Variants in AKAP19 observed in about 807,000 individuals in gnomAD.
The protein encoded by AKAP19 is A-kinase anchoring protein 19.
the AKAP19 span, among the ~76,000 whole-genome samples, chr2:190,158,169 T>G: frequency 6.6e-6 from 1 of 152,184 alleles, no homozygotes; most frequent in Non-Finnish European, 1.5e-5. Flanking sequence ...ATGTAAAATC[T>G]TTAGTGTTGT....
the AKAP19 span, chr2:190,200,593 A>G: frequency 5.5e-6 from 1 of 181,068 alleles, no homozygotes. Flanking sequence ...CACTCAAATC[A>G]TAGTGATTAA....
chr2:190,143,284 GAAAAAAA>G, the AKAP19 span, among the ~76,000 whole-genome samples: 530 of 118,912 alleles, frequency 4.5e-3, 3 homozygotes, highest in African/African-American at 0.015. Flanking sequence ...TATCCTGTAG[GAAAAAAA>G]AAAAAAAAAA....
the AKAP19 span, among the ~76,000 whole-genome samples, chr2:190,043,459 T>C: frequency 6.6e-6 from 1 of 152,188 alleles, no homozygotes; most frequent in Non-Finnish European, 1.5e-5. Context: ...TGTGAGAGTC[T>C]TCCTTCAGCT....
chr2:190,173,264 A>C, the AKAP19 span, among the ~76,000 whole-genome samples: 3 of 152,258 alleles, frequency 2.0e-5, no homozygotes, highest in Non-Finnish European at 4.4e-5. Flanking sequence ...GTTAAGTGAA[A>C]TATCACAAAC....
chr2:190,004,387 G>C, the AKAP19 span, among the ~76,000 whole-genome samples: 1 of 152,108 alleles, frequency 6.6e-6, no homozygotes, highest in South Asian at 2.1e-4. Flanking sequence ...CTCCCCTAGT[G>C]TTAACCTGAT....
the AKAP19 span, among the ~76,000 whole-genome samples, chr2:189,936,443 G>C: frequency 2.0e-5 from 3 of 152,030 alleles, no homozygotes; most frequent in African/African-American, 7.3e-5. Flanking sequence ...ATAGTTCTAG[G>C]GTAGGTTTTG....
chr2:189,990,493 G>T, the AKAP19 span, among the ~76,000 whole-genome samples: 2 of 152,024 alleles, frequency 1.3e-5, no homozygotes, highest in African/African-American at 2.4e-5. Context: ...TGGTCAGAGT[G>T]TATAGTCCTC....
chr2:189,930,732 G>C, the AKAP19 span: 1 of 636,894 alleles, frequency 1.6e-6, no homozygotes. Flanking sequence ...CCATCATACA[G>C]ATCACACACT....
At chr2:190,002,730 G>A in the AKAP19 span, among the ~76,000 whole-genome samples, 590 of 152,150 alleles carry the variant, frequency 3.9e-3, 1 homozygote, top group African/African-American at 0.013. Context: ...TGATTCTTAG[G>A]ACCGTCAGTT....
chr2:190,045,953 A>C, the AKAP19 span, among the ~76,000 whole-genome samples: 1 of 152,084 alleles, frequency 6.6e-6, no homozygotes. Context: ...GGTTCACAAG[A>C]TCTCCTGAGC....
the AKAP19 span, chr2:189,923,904 T>A: frequency 1.9e-6 from 3 of 1,610,854 alleles, no homozygotes; most frequent in South Asian, 3.3e-5. Flanking sequence ...CTGACCCAGA[T>A]AAAACAAAAA....
the AKAP19 span, among the ~76,000 whole-genome samples, chr2:190,136,836 C>A: frequency 2.0e-5 from 3 of 152,088 alleles, no homozygotes; most frequent in African/African-American, 7.2e-5. Flanking sequence ...AGGATAAGAA[C>A]CAAGATTTGG....
At chr2:189,946,230 C>T in the AKAP19 span, among the ~76,000 whole-genome samples, 2 of 152,060 alleles carry the variant, frequency 1.3e-5, no homozygotes, top group Non-Finnish European at 2.9e-5. Context: ...TAATATATAG[C>T]GTAAAATAGC....
the AKAP19 span, among the ~76,000 whole-genome samples, chr2:190,140,758 A>G: frequency 6.6e-6 from 1 of 152,088 alleles, no homozygotes; most frequent in Non-Finnish European, 1.5e-5. Context: ...GCCTGGAGAC[A>G]TTTTTCCTAT....
the AKAP19 span, chr2:190,057,117 A>G: frequency 1.2e-6 from 1 of 802,806 alleles, no homozygotes; most frequent in Non-Finnish European, 2.0e-6. Flanking sequence ...TCCCCCTTTT[A>G]GTTTACATAC....
chr2:190,199,038 G>A, the AKAP19 span, among the ~76,000 whole-genome samples: 3 of 152,284 alleles, frequency 2.0e-5, no homozygotes, highest in Middle Eastern at 3.4e-3. Context: ...TTGTTTAGAC[G>A]TGGCACTAGA....
At chr2:189,932,849 T>C in the AKAP19 span, among the ~76,000 whole-genome samples, 1 of 152,188 alleles carries the variant, frequency 6.6e-6, no homozygotes, top group Non-Finnish European at 1.5e-5. Context: ...TTTTACATTA[T>C]TGGTAACATT....
chr2:189,924,276 G>A, the AKAP19 span: 1 of 1,196,138 alleles, frequency 8.4e-7, no homozygotes, highest in South Asian at 1.2e-5. Context: ...GCTTGTCTAA[G>A]ATCAAATTTT....
At chr2:190,080,291 T>C in the AKAP19 span, among the ~76,000 whole-genome samples, 2 of 152,148 alleles carry the variant, frequency 1.3e-5, no homozygotes, top group African/African-American at 2.4e-5. Context: ...ACAAAAAAAT[T>C]AATAAAGACA....
Sources: gnomAD v4.1 joint callset for allele counts (sites outside exome capture counted in the v4.1 genomes callset) on GRCh38, gnomAD v4.1.1 for gene constraint, MANE v1.5 for transcripts, NCBI Gene and HGNC (gene_info 2026-07-23, HGNC 2026-07-21) for gene names.